Variants in PTPRD observed in about 807,000 individuals in gnomAD.
PTPRD encodes protein tyrosine phosphatase receptor type D.
Under a neutral mutation model 214.5 loss-of-function variants are expected in PTPRD, and 34 were observed. The ratio of observed to expected loss-of-function variants is 0.16; its 90% CI spans 0.12 to 0.21. The LOEUF (loss-of-function observed/expected upper bound fraction) is 0.21, where lower values mean the gene tolerates loss of function less well. Among genes scored for constraint, PTPRD ranks in the 10% least tolerant of loss-of-function variants. The pLI, the probability that PTPRD is intolerant of heterozygous loss-of-function variation, is 1.00. For missense variants in PTPRD, 2,545 were observed against 2,398.7 expected (o/e 1.06, Z -1.27); for synonymous variants, 1,128 against 845.7 (o/e 1.33, Z -5.79).
chr9:9,315,324 T>C (rs931132717), intron 9 of PTPRD, among the ~76,000 whole-genome samples: 2 of 152,016 alleles, frequency 1.3e-5, no homozygotes, highest in Admixed American at 6.6e-5. Flanking sequence ...CATATCACTG[T>C]GATTTTCTGT....
intron 9 of PTPRD, among the ~76,000 whole-genome samples, chr9:9,305,733 A>C (rs2135159210): frequency 6.6e-6 from 1 of 152,246 alleles, no homozygotes; most frequent in South Asian, 2.1e-4. Context: ...AATGAGAGAG[A>C]GAAAGATAGA....
chr9:9,668,985 G>A (rs1297688656), intron 7 of PTPRD, among the ~76,000 whole-genome samples: 1 of 152,076 alleles, frequency 6.6e-6, no homozygotes, highest in Non-Finnish European at 1.5e-5. Context: ...AAAAAAAAGT[G>A]AAACAGTAAA....
At chr9:10,169,705 A>T (rs2099188574) in intron 3 of PTPRD, among the ~76,000 whole-genome samples, 1 of 152,168 alleles carries the variant, frequency 6.6e-6, no homozygotes, top group South Asian at 2.1e-4. Context: ...GCTGCAGGAA[A>T]TACCAGAACA....
At chr9:9,902,723 G>C (rs549934649) in intron 5 of PTPRD, among the ~76,000 whole-genome samples, 2 of 152,082 alleles carry the variant, frequency 1.3e-5, no homozygotes, top group African/African-American at 4.8e-5. Flanking sequence ...CAGTAGGTAG[G>C]ATGATAGATA....
At chr9:8,691,405 A>G (rs2097797031) in intron 12 of PTPRD, among the ~76,000 whole-genome samples, 1 of 152,040 alleles carries the variant, frequency 6.6e-6, no homozygotes, top group Non-Finnish European at 1.5e-5. Flanking sequence ...AGAAAAAAAA[A>G]AAAAAATAGA....
rs577689218 is a variant in PTPRD, at chr9:9,379,213, T to C, written c.-203+18236A>G. On this transcript the variant is annotated intron_variant, in intron 9 of 45. Coordinates refer to ENST00000381196, the MANE Select transcript of PTPRD (RefSeq NM_002839.4). ...TATGTTGAGATATATATATATATGA[T>C]ATATATTTGATATATTTTATATATA... Among the ~76,000 whole-genome samples, 5 of 147,676 alleles carry C rather than the reference T, an allele frequency of 3.4e-5. No individual in the cohort carries two copies. In the South Asian group the frequency reaches 1.0e-3, roughly 31 times the overall value.
Position 9,109,894 on chromosome 9 carries a change from C to T in PTPRD, c.-143+73410G>A, listed in dbSNP as rs1426982494. 2.6e-5 allele frequency among the ~76,000 whole-genome samples: 4 copies of T among 151,850 alleles called. No homozygotes were observed. In the East Asian group the frequency reaches 5.8e-4, roughly 22 times the overall value. On this transcript the variant is annotated intron_variant, in intron 10 of 45. Coordinates refer to ENST00000381196, the MANE Select transcript of PTPRD (RefSeq NM_002839.4). ...GAAGGAAAGCTTAGATTTTGAAAAT[C>T]GATATGTAGACTGAAGATGAGGGAG... is the stretch of plus-strand genomic sequence containing the variant.
chr9:9,371,480 G>C (rs1490930307), intron 9 of PTPRD, among the ~76,000 whole-genome samples: 1 of 151,972 alleles, frequency 6.6e-6, no homozygotes, highest in Non-Finnish European at 1.5e-5. Flanking sequence ...ATTTTTTATT[G>C]CGTCTATTTG....
At chr9:8,800,022 T>C (rs968159501) in intron 11 of PTPRD, among the ~76,000 whole-genome samples, 15 of 151,974 alleles carry the variant, frequency 9.9e-5, no homozygotes, top group African/African-American at 3.6e-4. Flanking sequence ...CAAACATTCA[T>C]ATCCATGAGT....
chr9:9,758,866 A>T (rs2098618991), intron 6 of PTPRD, among the ~76,000 whole-genome samples: 1 of 151,996 alleles, frequency 6.6e-6, no homozygotes. Flanking sequence ...GATTTAAAAT[A>T]ATCAAAACTA....
chr9:10,572,449 G>C (rs1003676626), intron 2 of PTPRD, among the ~76,000 whole-genome samples: 1 of 152,112 alleles, frequency 6.6e-6, no homozygotes, highest in Non-Finnish European at 1.5e-5. Context: ...TTTGAAGAAA[G>C]TGATTTGACC....
At position 10,221,311 on chromosome 9, in the gene PTPRD, G is replaced by A. The variant is rs546680490; in HGVS notation, c.-545+119652C>T. On this transcript the variant is annotated intron_variant, in intron 3 of 45. Coordinates refer to ENST00000381196, the MANE Select transcript of PTPRD (RefSeq NM_002839.4). Reference sequence around the variant, plus strand: ...CGTGCGCGTGCACACACACATATACGCAAACACAGACACACACCTCTGCAT... The same window carrying A: ...CGTGCGCGTGCACACACACATATACACAAACACAGACACACACCTCTGCAT... Among the ~76,000 whole-genome samples the A allele has an allele frequency of 5.9e-5, 9 of 151,764 alleles. No individual in the cohort carries two copies. In the South Asian group the frequency reaches 6.2e-4, roughly 10 times the overall value.
chr9:8,727,916 A>G (rs1291664326), intron 12 of PTPRD, among the ~76,000 whole-genome samples: 2 of 152,216 alleles, frequency 1.3e-5, no homozygotes, highest in Admixed American at 6.5e-5. Flanking sequence ...TTAGTATATT[A>G]TGTTTATACT....
chr9:9,979,044 A>G (rs138553441), intron 4 of PTPRD, among the ~76,000 whole-genome samples: 20 of 152,218 alleles, frequency 1.3e-4, no homozygotes, highest in African/African-American at 4.1e-4. Context: ...CAGAGAAAAT[A>G]TTATTTTTTT....
chr9:8,578,577 G>C (rs2092719233), intron 14 of PTPRD, among the ~76,000 whole-genome samples: 1 of 152,114 alleles, frequency 6.6e-6, no homozygotes, highest in Admixed American at 6.5e-5. Context: ...CAGAGGCTTG[G>C]TTATCAGCCA....
rs1314268882 is a variant in PTPRD at position 8,869,786 on chromosome 9, TGTAATTCTGCTCTGCACAGCTG to T, written c.-103-135862_-103-135841del. ...CCATTTTACCTAAATCTACAAGCTA[TGTAATTCTGCTCTGCACAGCTG>T]GTTTATTCTTACAGTCAGTTGTCCC... On this transcript the variant is annotated intron_variant, in intron 11 of 45. Transcript: ENST00000381196. 2.6e-5 allele frequency among the ~76,000 whole-genome samples: 4 copies of T among 151,846 alleles called. No homozygotes were observed. The East Asian group carries it at 7.7e-4, about 29-fold the overall frequency.
chr9:9,210,273 A>G (rs1457720476), intron 9 of PTPRD, among the ~76,000 whole-genome samples: 1 of 152,140 alleles, frequency 6.6e-6, no homozygotes, highest in Non-Finnish European at 1.5e-5. Flanking sequence ...ACTCTTCAAA[A>G]CGAATCTGAA....
chr9:8,633,811 C>T (rs1482122608), intron 13 of PTPRD, among the ~76,000 whole-genome samples: 2 of 152,138 alleles, frequency 1.3e-5, no homozygotes, highest in East Asian at 3.9e-4. Flanking sequence ...TTAAATTATT[C>T]TTTCTCTCAC....
intron 11 of PTPRD, among the ~76,000 whole-genome samples, chr9:8,956,677 G>A (rs894811257): frequency 6.6e-6 from 1 of 151,786 alleles, no homozygotes; most frequent in African/African-American, 2.4e-5. Flanking sequence ...TCAAGCTCCT[G>A]AACTCCACCA....
Sources: gnomAD v4.1 joint callset for allele counts (sites outside exome capture counted in the v4.1 genomes callset) on GRCh38, gnomAD v4.1.1 for gene constraint, MANE v1.5 for transcripts, NCBI Gene and HGNC (gene_info 2026-07-23, HGNC 2026-07-21) for gene names.